The following FCHSD2 variants were observed in gnomAD, a reference collection of about 807,000 sequenced individuals.
FCHSD2 encodes the protein FCH and double SH3 domains 2.
A neutral mutation model predicts 108.1 loss-of-function variants in FCHSD2; 38 were observed. That is an observed-to-expected ratio of 0.35 (90% CI 0.27 to 0.46). FCHSD2 has a LOEUF of 0.46. FCHSD2 is among the 20% of genes least tolerant of loss of function. The pLI is 1.00. For synonymous variants in FCHSD2, 279 were observed against 314.7 expected, an observed-to-expected ratio of 0.89 and a Z score of 1.20; for missense variants, 751 against 897.8, an observed-to-expected ratio of 0.84 and a Z score of 2.09.
intron 16 of FCHSD2, 37 bp downstream of exon 16, chr11:72,843,114 C>A (rs200684861): frequency 6.2e-7 from 1 of 1,602,022 alleles, no homozygotes; most frequent in Non-Finnish European, 8.5e-7. Context: ...TTAGGTCAAA[C>A]GTGACCAAAT....
intron 13 of FCHSD2, among the ~76,000 whole-genome samples, chr11:72,863,888 G>A (rs1172377963): frequency 1.3e-5 from 2 of 152,340 alleles, no homozygotes; most frequent in East Asian, 3.9e-4. Context: ...TGATGTAATT[G>A]TAAAATGGTA....
intron 8 of FCHSD2, among the ~76,000 whole-genome samples, chr11:72,931,659 G>A (rs1367074265): frequency 1.3e-5 from 2 of 151,846 alleles, no homozygotes; most frequent in Non-Finnish European, 2.9e-5. Context: ...CAGCTACTTG[G>A]GAGGTTGAGT....
At chr11:72,889,544 T>C (rs571328364) in intron 11 of FCHSD2, among the ~76,000 whole-genome samples, 2 of 152,176 alleles carry the variant, frequency 1.3e-5, no homozygotes, top group Admixed American at 6.5e-5. Context: ...ACCCTATCTC[T>C]ACAAAAAATC....
chr11:73,088,704 C>T (rs973397969), intron 2 of FCHSD2, among the ~76,000 whole-genome samples: 2 of 152,086 alleles, frequency 1.3e-5, no homozygotes, highest in Non-Finnish European at 2.9e-5. Flanking sequence ...TTATGACCAG[C>T]ACTACCAAAT....
chr11:72,849,720 A>G, intron 14 of FCHSD2, 35 bp downstream of exon 14: 1 of 1,528,914 alleles, frequency 6.5e-7, no homozygotes, highest in Non-Finnish European at 9.0e-7. Flanking sequence ...AGAGTTAATC[A>G]GAATTTAATA....
At chr11:73,126,889 T>C (rs1386903608) in intron 2 of FCHSD2, among the ~76,000 whole-genome samples, 2 of 152,026 alleles carry the variant, frequency 1.3e-5, no homozygotes, top group African/African-American at 4.8e-5. Flanking sequence ...AATAAAAAAA[T>C]TTGCCGAGCA....
chr11:72,857,135 G>A (rs1481067996), intron 13 of FCHSD2, among the ~76,000 whole-genome samples: 2 of 152,168 alleles, frequency 1.3e-5, no homozygotes, highest in Non-Finnish European at 2.9e-5. Context: ...TCCCATGGAA[G>A]GCAGTAAGAA....
chr11:72,939,303 T>C (rs530341485), intron 8 of FCHSD2, among the ~76,000 whole-genome samples: 8 of 152,232 alleles, frequency 5.3e-5, no homozygotes, highest in South Asian at 2.1e-4. Flanking sequence ...CCCCTAAAAA[T>C]TGTAACTAAG....
chr11:72,899,894 AAC>A (rs1301421806), intron 10 of FCHSD2, among the ~76,000 whole-genome samples: 3 of 152,174 alleles, frequency 2.0e-5, no homozygotes, highest in Non-Finnish European at 2.9e-5. Context: ...CAGCAGACAT[AAC>A]ATTACTATTG....
rs138023210 is a variant in FCHSD2 at position 72,895,271 on chromosome 11, T to C, written c.925-5326A>G. On this transcript the variant is annotated intron_variant, in intron 10 of 19. Coordinates refer to ENST00000409418, the MANE Select transcript of FCHSD2 (RefSeq NM_014824.3). ...GGAAAAGGAATATACCCATTAAGGC[T>C]GGGGTGAAGAAATGATGAGAACTCT... is the stretch of plus-strand genomic sequence containing the variant. Among the ~76,000 whole-genome samples the C allele has an allele frequency of 3.7e-4, 56 of 152,258 alleles. 2 individuals are homozygous for C. The East Asian group carries it at 0.011, about 29-fold the overall frequency.
chr11:73,035,287 C>T (rs2135456172), intron 3 of FCHSD2, among the ~76,000 whole-genome samples: 1 of 152,064 alleles, frequency 6.6e-6, no homozygotes, highest in African/African-American at 2.4e-5. Flanking sequence ...TCCACACCCA[C>T]CAGGCTCAAG....
chr11:73,141,962 C>A lies in FCHSD2; in HGVS notation c.-85G>T. ...GGAGGGCCGGAGAGGAGGGGACGGC[C>A]CAGCGAGCGCGCGCGTGTGTGAAAG... On this transcript the variant is annotated 5_prime_UTR_variant, in exon 1 of 20. Transcript: ENST00000409418. 2 of 1,365,702 alleles carry A rather than the reference C, an allele frequency of 1.5e-6. No homozygotes were observed. The highest frequency in any genetic ancestry group is 1.5e-5 in the African/African-American group (1 of 68,512). 84.6% of individuals were successfully genotyped at this position (1,365,702 alleles called of 1,614,324 possible). A position where few individuals can be genotyped will look rare whatever the true frequency, so the allele number is the denominator to read the frequency against.
chr11:73,078,233 C>T (rs1298408424), intron 3 of FCHSD2, among the ~76,000 whole-genome samples: 2 of 152,154 alleles, frequency 1.3e-5, no homozygotes, highest in Non-Finnish European at 2.9e-5. Flanking sequence ...AACTCTCATA[C>T]ATTGCTGGTG....
chr11:73,120,568 A>G (rs1860708173), intron 2 of FCHSD2, among the ~76,000 whole-genome samples: 1 of 152,062 alleles, frequency 6.6e-6, no homozygotes, highest in African/African-American at 2.4e-5. Flanking sequence ...CGTCTCTACT[A>G]AAAATACAAA....
chr11:73,086,860 A>G (rs1227672701), intron 2 of FCHSD2, among the ~76,000 whole-genome samples: 1 of 152,244 alleles, frequency 6.6e-6, no homozygotes, highest in Middle Eastern at 3.2e-3. Flanking sequence ...ATACAATGAA[A>G]TATTATTCAG....
chr11:72,996,533 T>C (rs1450971318), intron 5 of FCHSD2, among the ~76,000 whole-genome samples: 1 of 152,176 alleles, frequency 6.6e-6, no homozygotes, highest in African/African-American at 2.4e-5. Flanking sequence ...ATACAGAAAA[T>C]AATTTTGAAA....
In FCHSD2 at chr11:72,838,263, C is replaced by G. The variant is rs1860794081; in HGVS notation, c.*528G>C. 1 of 153,352 alleles carries G rather than the reference C, an allele frequency of 6.5e-6. No homozygotes were observed. The highest frequency in any genetic ancestry group is 1.5e-5 in the Non-Finnish European group (1 of 68,810). The allele number at this position is 153,352 out of a possible 1,614,324, so 9.5% of individuals were successfully genotyped here. On this transcript the variant is annotated 3_prime_UTR_variant, in exon 20 of 20. Coordinates refer to ENST00000409418, the MANE Select transcript of FCHSD2 (RefSeq NM_014824.3). Reference sequence around the variant, plus strand: ...TCCAATTTTTCCCAATAAGGTTTCACTTTCTCAGTCTGGGGACTAACCTTG... The same window carrying G: ...TCCAATTTTTCCCAATAAGGTTTCAGTTTCTCAGTCTGGGGACTAACCTTG...
intron 10 of FCHSD2, among the ~76,000 whole-genome samples, chr11:72,896,087 A>C (rs1301072883): frequency 6.6e-6 from 1 of 152,202 alleles, no homozygotes; most frequent in East Asian, 1.9e-4. Context: ...ATGTGTAAAA[A>C]TCCTCAACTA....
chr11:72,864,827 TGA>T (rs1854687489), intron 13 of FCHSD2, among the ~76,000 whole-genome samples: 1 of 152,186 alleles, frequency 6.6e-6, no homozygotes, highest in African/African-American at 2.4e-5. Context: ...GAAGGGAGGC[TGA>T]GTGACACAGG....
Sources: gnomAD v4.1 joint callset for allele counts (sites outside exome capture counted in the v4.1 genomes callset) on GRCh38, gnomAD v4.1.1 for gene constraint, MANE v1.5 for transcripts, NCBI Gene and HGNC (gene_info 2026-07-23, HGNC 2026-07-21) for gene names.